The following MEPE variants were observed in gnomAD, a reference collection of about 807,000 sequenced individuals.
MEPE encodes the protein matrix extracellular phosphoglycoprotein, also known as matrix, extracellular phosphoglycoprotein with ASARM motif (bone).
Under a neutral mutation model 7.3 loss-of-function variants are expected in MEPE, and 7 were observed. The ratio of observed to expected loss-of-function variants is 0.95; its 90% CI spans 0.54 to 1.79. The LOEUF (loss-of-function observed/expected upper bound fraction) is 1.79, where lower values mean the gene tolerates loss of function less well. MEPE is among the 40% of genes most tolerant of loss of function. The pLI is 0.00. For synonymous variants in MEPE, 214 were observed against 213.1 expected (o/e 1.00, Z -0.04); for missense variants, 623 against 628.2 (o/e 0.99, Z 0.09).
rs761606055 is a variant in MEPE, at chr4:87,846,346, G to A, written c.1478G>A (p.Gly493Asp). 35 of 1,613,968 alleles carry A rather than the reference G, an allele frequency of 2.2e-5. No individual in the cohort carries two copies. The highest frequency in any genetic ancestry group is 2.8e-5 in the Non-Finnish European group (33 of 1,179,970). Residue 493 changes from glycine to aspartate, a missense_variant, in exon 4 of 4, where the codon GGT becomes GAT. Gly to Asp is a moderately conservative substitution (Grantham distance 94, BLOSUM62 -1). Coordinates refer to ENST00000361056, the MANE Select transcript of MEPE (RefSeq NM_020203.6). ...ATGCCACAAGGGAAAGGCTCCTGGG[G>A]TAGACAACCCCATTCCAACAGGAGG... ...KGMPQGKGSWGRQPHSNRRFS... is the reference protein window; with the variant it reads ...KGMPQGKGSWDRQPHSNRRFS...
rs138152179 is a variant in MEPE, at chr4:87,846,310, G to A, written c.1442G>A (p.Arg481Gln). 2.3e-5 allele frequency: 37 copies of A among 1,613,896 alleles called. No homozygotes were observed. Among genetic ancestry groups the A allele is most frequent in the African/African-American group, 2.3e-4 (17 of 74,878 alleles). The part of the protein sequence containing the change: ...YVPHRQNNST[R>Q]NKGMPQGKGS... The stretch of plus-strand genomic sequence containing the variant: ...CCCCACAGACAAAATAATTCTACAC[G>A]GAATAAGGGTATGCCACAAGGGAAA... Residue 481 changes from arginine to glutamine, a missense_variant, in exon 4 of 4, where the codon CGG becomes CAG. Arg to Gln is a conservative substitution (Grantham distance 43). Coordinates refer to ENST00000361056, the MANE Select transcript of MEPE (RefSeq NM_020203.6).
intron 3 of MEPE, among the ~76,000 whole-genome samples, chr4:87,841,541 A>G (rs1723013464): frequency 6.6e-6 from 1 of 152,204 alleles, no homozygotes; most frequent in South Asian, 2.1e-4. Context: ...ACCATATATT[A>G]GCTAGCTTCT....
Position 87,834,718 on chromosome 4 carries a change from C to A in MEPE, c.4C>A (p.Arg2=). 1.9e-6 allele frequency: 3 copies of A among 1,612,684 alleles called. No homozygotes were observed. Among genetic ancestry groups the A allele is most frequent in the East Asian group, 2.2e-5 (1 of 44,842 alleles). The change falls in exon 2 of 4, where the codon CGA becomes AGA. Residue 2 remains arginine (R), a synonymous_variant. Coordinates refer to ENST00000361056, the MANE Select transcript of MEPE (RefSeq NM_020203.6). M[R]VFCVGLLLFS... ...CTTTTTACAGAGATTCTCAAAGATG[C>A]GAGTTTTCTGTGTGGGACTACTCCT...
intron 3 of MEPE, among the ~76,000 whole-genome samples, chr4:87,840,976 T>C (rs73840167): frequency 0.025 from 3,815 of 152,274 alleles, 176 homozygotes; most frequent in African/African-American, 0.086. Context: ...GTAAGAAAAG[T>C]TTTTTTCTAT....
chr4:87,840,891 C>T (rs1404555085), intron 3 of MEPE, among the ~76,000 whole-genome samples: 2 of 152,126 alleles, frequency 1.3e-5, no homozygotes, highest in Non-Finnish European at 2.9e-5. Flanking sequence ...GACAGAAAAG[C>T]AGAGCACAGA....
chr4:87,846,601 C>A lies in MEPE; in HGVS notation c.*155C>A. On this transcript the variant is annotated 3_prime_UTR_variant, in exon 4 of 4. Coordinates refer to ENST00000361056, the MANE Select transcript of MEPE (RefSeq NM_020203.6). ...CCTGGTCTCCTTGGGGGAATTTTTGCTATCTTAATAGTCACAGTATAAAAT... is the reference window on the plus strand; with the variant it reads ...CCTGGTCTCCTTGGGGGAATTTTTGATATCTTAATAGTCACAGTATAAAAT... 1.3e-6 allele frequency: 1 copy of A among 766,598 alleles called. No individual in the cohort carries two copies. The highest frequency in any genetic ancestry group is 2.0e-6 in the Non-Finnish European group (1 of 492,542). 47.5% of individuals were successfully genotyped at this position (766,598 alleles called of 1,614,324 possible). A position where few individuals can be genotyped will look rare whatever the true frequency, so the allele number is the denominator to read the frequency against.
rs115870338 is a variant in MEPE, at chr4:87,844,829, T to G, written c.109-148T>G. 1,370 of 580,018 alleles carry G rather than the reference T, an allele frequency of 2.4e-3. 14 individuals are homozygous for G. In the African/African-American group the frequency reaches 0.024, roughly 10 times the overall value. 35.9% of individuals were successfully genotyped at this position (580,018 alleles called of 1,614,324 possible). A position where few individuals can be genotyped will look rare whatever the true frequency, so the allele number is the denominator to read the frequency against. On this transcript the variant is annotated intron_variant, in intron 3 of 3. Transcript: ENST00000361056. ...TCCATGAAACCTGATTTGACCATTC[T>G]AGAATGACCTCTACCAGTAAACCTC...
rs1722892344 is a variant in MEPE, at chr4:87,838,673, G to A, written c.96G>A (p.Val32=). 1 of 1,613,346 alleles carries A rather than the reference G, an allele frequency of 6.2e-7. No individual in the cohort carries two copies. The highest frequency in any genetic ancestry group is 8.5e-7 in the Non-Finnish European group (1 of 1,179,464). ...PQTEKTKQSC[V]EEQRQEEKNK... ...CTGAGAAAACTAAGCAAAGCTGTGT[G>A]GAAGAGCAGAGGGTAAACAGAATTC... The change falls in exon 3 of 4, where the codon GTG becomes GTA. Residue 32 remains valine, a synonymous_variant. Coordinates refer to ENST00000361056, the MANE Select transcript of MEPE (RefSeq NM_020203.6).
At chr4:87,838,859 G>C (rs542505071) in intron 3 of MEPE, among the ~76,000 whole-genome samples, 174 bp downstream of exon 3, 1 of 152,352 alleles carries the variant, frequency 6.6e-6, no homozygotes, top group East Asian at 1.9e-4. Flanking sequence ...CACACACCAT[G>C]TGTGACAGAA....
At chr4:87,840,998 T>C (rs1292626714) in intron 3 of MEPE, among the ~76,000 whole-genome samples, 1 of 152,220 alleles carries the variant, frequency 6.6e-6, no homozygotes, top group Non-Finnish European at 1.5e-5. Context: ...TTTTGATATT[T>C]TCTTCAATGC....
intron 1 of MEPE, among the ~76,000 whole-genome samples, chr4:87,834,157 T>C (rs961033583): frequency 6.6e-6 from 1 of 152,216 alleles, no homozygotes; most frequent in South Asian, 2.1e-4. Context: ...ATGTTAGCCA[T>C]TAATGTCAGT....
At chr4:87,840,842 C>T (rs1183064231) in intron 3 of MEPE, among the ~76,000 whole-genome samples, 1 of 152,100 alleles carries the variant, frequency 6.6e-6, no homozygotes, top group East Asian at 1.9e-4. Context: ...TGGGTGAGGC[C>T]GTTCTCCATG....
chr4:87,822,156 G>A (rs1293804503), intron 1 of MEPE, among the ~76,000 whole-genome samples: 1 of 152,148 alleles, frequency 6.6e-6, no homozygotes, highest in East Asian at 1.9e-4. Flanking sequence ...TGGTTGAAAT[G>A]GATTTCCTTC....
rs751991145 is a variant in MEPE, at chr4:87,846,382, G to A, written c.1514G>A (p.Arg505His). The A allele has an allele frequency of 2.7e-5, 44 of 1,613,942 alleles. No individual in the cohort carries two copies. Among genetic ancestry groups the A allele is most frequent in the South Asian group, 3.3e-5 (3 of 91,080 alleles). Residue 505 changes from arginine to histidine, a missense_variant, in exon 4 of 4, where the codon CGT (arginine) becomes CAT (histidine). Physicochemically the swap from Arg to His is conservative, Grantham distance 29. Transcript: ENST00000361056. ...CATTCCAACAGGAGGTTTAGTTCCCGTAGAAGGGATGACAGTAGTGAGTCA... is the reference window on the plus strand; with the variant it reads ...CATTCCAACAGGAGGTTTAGTTCCCATAGAAGGGATGACAGTAGTGAGTCA... ...QPHSNRRFSS[R>H]RRDDSSESSD...
intron 2 of MEPE, among the ~76,000 whole-genome samples, chr4:87,835,053 T>G (rs1377009659): frequency 1.3e-5 from 2 of 152,190 alleles, no homozygotes; most frequent in Non-Finnish European, 2.9e-5. Flanking sequence ...AATCAGCTGA[T>G]ACTAATGAGT....
chr4:87,834,347 A>AT (rs1178483974), intron 1 of MEPE, among the ~76,000 whole-genome samples: 11 of 152,342 alleles, frequency 7.2e-5, no homozygotes, highest in African/African-American at 2.6e-4. Flanking sequence ...ACTTAATGTC[A>AT]TTTTGAATTA....
At chr4:87,836,971 T>C (rs1007130938) in intron 2 of MEPE, among the ~76,000 whole-genome samples, 1 of 152,238 alleles carries the variant, frequency 6.6e-6, no homozygotes, top group African/African-American at 2.4e-5. Context: ...TAGAATGGAA[T>C]TGAATATTAG....
chr4:87,824,996 C>T (rs115995609), intron 1 of MEPE, among the ~76,000 whole-genome samples: 2,977 of 152,206 alleles, frequency 0.02, 104 homozygotes, highest in African/African-American at 0.068. Flanking sequence ...TACAGGTGTG[C>T]ACCACCACAC....
intron 3 of MEPE, chr4:87,839,711 A>G: frequency 6.5e-7 from 1 of 1,550,212 alleles, no homozygotes; most frequent in Non-Finnish European, 8.7e-7. Context: ...ACTATGAGAA[A>G]CATGGGCATT....
Sources: allele counts gnomAD v4.1 joint callset (sites outside exome capture counted in the v4.1 genomes callset), GRCh38; gene constraint gnomAD v4.1.1; transcripts MANE v1.5; gene names NCBI Gene and HGNC (gene_info 2026-07-23, HGNC 2026-07-21).